Variants in RASEF observed in about 807,000 individuals in gnomAD.
RASEF encodes the protein ras and EF-hand domain-containing protein.
RASEF carries 68 observed loss-of-function variants against 90.1 expected under a neutral mutation model. The observed-to-expected ratio is 0.75, with a 90% CI of 0.62 to 0.92. The LOEUF (loss-of-function observed/expected upper bound fraction) is 0.92, where lower values mean the gene tolerates loss of function less well. Among genes scored for constraint, RASEF ranks in the 40% least tolerant of loss-of-function variants. The pLI is 0.00. For missense variants in RASEF, 949 were observed against 937.2 expected (o/e 1.01, Z -0.16); for synonymous variants, 331 against 345.2 (o/e 0.96, Z 0.46).
chr9:83,142,640 A>C, the RASEF span, among the ~76,000 whole-genome samples: 8 of 152,222 alleles, frequency 5.3e-5, no homozygotes, highest in African/African-American at 1.9e-4. Context: ...TGCAACAGAG[A>C]AACTATAGGG....
At chr9:83,196,887 G>A in the RASEF span, among the ~76,000 whole-genome samples, 1 of 152,234 alleles carries the variant, frequency 6.6e-6, no homozygotes, top group African/African-American at 2.4e-5. Flanking sequence ...AACACTGTCA[G>A]AACCATTAAA....
At chr9:83,201,494 A>G in the RASEF span, among the ~76,000 whole-genome samples, 1 of 152,194 alleles carries the variant, frequency 6.6e-6, no homozygotes, top group Non-Finnish European at 1.5e-5. Flanking sequence ...CTACTTAACC[A>G]ATCTAGTGCT....
the RASEF span, among the ~76,000 whole-genome samples, chr9:83,183,381 A>C: frequency 2.0e-5 from 3 of 152,178 alleles, no homozygotes; most frequent in Admixed American, 1.3e-4. Flanking sequence ...TATATTTCAC[A>C]TCTTTGAACA....
At chr9:83,078,275 G>C in the RASEF span, among the ~76,000 whole-genome samples, 1 of 152,140 alleles carries the variant, frequency 6.6e-6, no homozygotes. Flanking sequence ...CCCCTGAGCA[G>C]ACAAAGCCAG....
At chr9:83,092,511 G>A in the RASEF span, among the ~76,000 whole-genome samples, 657 of 151,856 alleles carry the variant, frequency 4.3e-3, no homozygotes, top group Non-Finnish European at 7.1e-3. Flanking sequence ...GGAGTTGTTC[G>A]TTCCTCCCGG....
intron 1 of RASEF, chr9:83,048,558 G>A: frequency 1.0e-6 from 1 of 985,030 alleles, no homozygotes. Flanking sequence ...GTGAAGGAAT[G>A]AATGAGTAAA....
the RASEF span, among the ~76,000 whole-genome samples, chr9:83,126,984 C>T: frequency 2.0e-5 from 3 of 152,020 alleles, no homozygotes; most frequent in Non-Finnish European, 4.4e-5. Context: ...ATTGGTAATG[C>T]CTATGGACCT....
At chr9:83,044,590 G>C (rs537444768) in intron 1 of RASEF, among the ~76,000 whole-genome samples, 1 of 152,080 alleles carries the variant, frequency 6.6e-6, no homozygotes, top group Non-Finnish European at 1.5e-5. Context: ...GAAGGTGGGG[G>C]AATATAATAT....
chr9:83,112,585 C>A, the RASEF span, among the ~76,000 whole-genome samples: 1 of 151,762 alleles, frequency 6.6e-6, no homozygotes, highest in Non-Finnish European at 1.5e-5. Context: ...TACTTGGGAG[C>A]CTGAGGGAGG....
the RASEF span, among the ~76,000 whole-genome samples, chr9:83,160,355 G>T: frequency 6.6e-6 from 1 of 152,296 alleles, no homozygotes; most frequent in Middle Eastern, 3.4e-3. Context: ...TAAGCAACTT[G>T]TTGGGAACTG....
intron 15 of RASEF, 110 bp downstream of exon 15, chr9:82,992,796 G>A (rs1828837677): frequency 9.0e-7 from 1 of 1,115,562 alleles, no homozygotes; most frequent in South Asian, 1.5e-5. Flanking sequence ...AGACGGGGGA[G>A]GTTTGTCAAA....
chr9:83,018,811 T>C (rs1046266998), intron 3 of RASEF, among the ~76,000 whole-genome samples: 3 of 151,988 alleles, frequency 2.0e-5, no homozygotes, highest in African/African-American at 4.8e-5. Context: ...GGCATAACAA[T>C]AGACAAATCA....
In RASEF at chr9:83,025,844, A is replaced by G. The variant is rs753819520; in HGVS notation, c.509T>C (p.Ile170Thr). The part of the protein sequence containing the change: ...PRLIQPYEHV[I>T]KNFIREIRLQ... ...TCTGATCTCACGGATGAAGTTCTTT[A>G]TAACATGTTCATATGGCTGAATTAA... Residue 170 changes from isoleucine (I) to threonine (T), a missense_variant, in exon 2 of 17, where the codon ATA becomes ACA. Around this residue, in one of 3 missense-constraint regions of RASEF, gnomAD observed 656 missense variants for 592.2 expected, o/e 1.11. Coordinates refer to ENST00000376447, the MANE Select transcript of RASEF (RefSeq NM_152573.4). 4 of 1,614,110 alleles carry G rather than the reference A, an allele frequency of 2.5e-6. No individual in the cohort carries two copies. The highest frequency in any genetic ancestry group is 3.4e-6 in the Non-Finnish European group (4 of 1,179,974).
At chr9:83,070,392 C>T in the RASEF span, among the ~76,000 whole-genome samples, 1 of 152,086 alleles carries the variant, frequency 6.6e-6, no homozygotes, top group South Asian at 2.1e-4. Context: ...TATCCTCTCC[C>T]TGTTGAATCA....
chr9:83,048,387 A>C (rs1211544693), intron 1 of RASEF: 2 of 985,236 alleles, frequency 2.0e-6, no homozygotes, highest in Non-Finnish European at 1.2e-6. Context: ...CAGGCCATCT[A>C]CCTCGTGATT....
At chr9:83,158,300 T>C in the RASEF span, among the ~76,000 whole-genome samples, 1 of 152,058 alleles carries the variant, frequency 6.6e-6, no homozygotes, top group African/African-American at 2.4e-5. Context: ...GCACTGTTAA[T>C]TAATTTAAAA....
the RASEF span, among the ~76,000 whole-genome samples, chr9:83,180,692 C>A: frequency 1.3e-5 from 2 of 151,940 alleles, no homozygotes; most frequent in Non-Finnish European, 2.9e-5. Flanking sequence ...TTTAAACAGT[C>A]ATTGTAAGGT....
At chr9:83,023,094 A>C (rs969302418) in intron 2 of RASEF, among the ~76,000 whole-genome samples, 3 of 152,148 alleles carry the variant, frequency 2.0e-5, no homozygotes, top group African/African-American at 7.2e-5. Flanking sequence ...CTGAGTTACA[A>C]CCCTGGATTA....
At chr9:83,131,433 G>A in the RASEF span, among the ~76,000 whole-genome samples, 1 of 152,144 alleles carries the variant, frequency 6.6e-6, no homozygotes, top group African/African-American at 2.4e-5. Context: ...TCTAACAACT[G>A]TATACTGGAT....
Sources: allele counts gnomAD v4.1 joint callset (sites outside exome capture counted in the v4.1 genomes callset), GRCh38; gene constraint gnomAD v4.1.1; regional missense constraint gnomAD v4.1.1; transcripts MANE v1.5; gene names NCBI Gene and HGNC (gene_info 2026-07-23, HGNC 2026-07-21).